NAV2: variants seen among roughly 807,000 people sequenced by gnomAD.
NAV2 encodes helicase, APC down-regulated 1.
A neutral mutation model predicts 223.2 loss-of-function variants in NAV2; 54 were observed. The observed-to-expected ratio is 0.24, with a 90% CI of 0.19 to 0.30. The LOEUF is 0.30. NAV2 is among the 10% of genes least tolerant of loss of function. The pLI is 1.00. For synonymous variants in NAV2, 1,279 were observed against 1,239.3 expected (o/e 1.03, Z -0.67); for missense variants, 2,806 against 3,147.5 (o/e 0.89, Z 2.60).
chr11:19,413,636 G>A (rs189461164), intron 1 of NAV2, among the ~76,000 whole-genome samples: 1 of 152,190 alleles, frequency 6.6e-6, no homozygotes, highest in African/African-American at 2.4e-5. Context: ...AATCCACTAA[G>A]GTTGAAATGA....
chr11:19,816,909 T>C (rs868026330), intron 1 of NAV2, among the ~76,000 whole-genome samples: 3 of 152,092 alleles, frequency 2.0e-5, no homozygotes, highest in East Asian at 1.9e-4. Context: ...CCTTTTTTTT[T>C]CCCCTCTGTG....
At chr11:19,365,325 C>A (rs1451322888) in intron 1 of NAV2, among the ~76,000 whole-genome samples, 1 of 152,212 alleles carries the variant, frequency 6.6e-6, no homozygotes, top group Non-Finnish European at 1.5e-5. Context: ...TCACTCCTTT[C>A]AGCTCTCTCC....
intron 10 of NAV2, among the ~76,000 whole-genome samples, chr11:19,955,824 T>C (rs1027051838): frequency 6.6e-6 from 1 of 152,196 alleles, no homozygotes; most frequent in Non-Finnish European, 1.5e-5. Flanking sequence ...TGATAGGCTG[T>C]TGTTTCTGGC....
intron 1 of NAV2, among the ~76,000 whole-genome samples, chr11:19,532,320 G>T (rs923812741): frequency 2.0e-5 from 3 of 152,142 alleles, no homozygotes; most frequent in Non-Finnish European, 4.4e-5. Flanking sequence ...TTTTCAGCTC[G>T]CCTGGTTCAC....
chr11:20,072,204 C>G (rs1383224002), intron 22 of NAV2, among the ~76,000 whole-genome samples: 1 of 151,990 alleles, frequency 6.6e-6, no homozygotes, highest in Non-Finnish European at 1.5e-5. Context: ...AATCCTTTCC[C>G]CATTGCTTGT....
intron 1 of NAV2, among the ~76,000 whole-genome samples, chr11:19,746,740 T>G (rs2053387454): frequency 6.6e-6 from 1 of 152,044 alleles, no homozygotes. Context: ...TATTGCCCCA[T>G]CCACAGTGTT....
At chr11:19,683,335 G>A (rs988574132) in intron 1 of NAV2, among the ~76,000 whole-genome samples, 2 of 152,240 alleles carry the variant, frequency 1.3e-5, no homozygotes, top group Non-Finnish European at 2.9e-5. Context: ...CAGCAGCTTA[G>A]GAAGGCGGGG....
intron 1 of NAV2, among the ~76,000 whole-genome samples, chr11:19,747,688 C>CG (rs965627176): frequency 6.6e-6 from 1 of 152,196 alleles, no homozygotes; most frequent in African/African-American, 2.4e-5. Context: ...CTCTGCTCCC[C>CG]CTGACTATCT....
intron 6 of NAV2, among the ~76,000 whole-genome samples, 189 bp downstream of exon 6, chr11:19,892,783 T>A (rs1217950192): frequency 6.6e-6 from 1 of 152,206 alleles, no homozygotes; most frequent in East Asian, 1.9e-4. Context: ...AAAATATTGT[T>A]ATAGTCACTA....
chr11:19,897,922 G>A lies in NAV2; in HGVS notation c.931+5328G>A, dbSNP rs374274335. ...TATATATATGTGAGCAGATTTGCCC[G>A]CAGGAAGACTACTCACTTCTGTTGA... On this transcript the variant is annotated intron_variant, in intron 6 of 37. Coordinates refer to ENST00000349880, the MANE Select transcript of NAV2 (RefSeq NM_145117.5). Among the ~76,000 whole-genome samples, 41 of 122,340 alleles carry A rather than the reference G, an allele frequency of 3.4e-4. 1 individual carries two copies. The highest frequency in any genetic ancestry group is 1.1e-3 in the African/African-American group (33 of 30,488). 80.3% of individuals were successfully genotyped at this position (122,340 alleles called of 152,430 possible). A position where few individuals can be genotyped will look rare whatever the true frequency, so the allele number is the denominator to read the frequency against.
intron 1 of NAV2, among the ~76,000 whole-genome samples, chr11:19,609,799 C>A (rs2046585548): frequency 6.6e-6 from 1 of 152,200 alleles, no homozygotes; most frequent in African/African-American, 2.4e-5. Context: ...ACACTCAAAG[C>A]TTGAGAGGAA....
chr11:19,374,309 G>GTTTTTTTTTTT (rs10533713), intron 1 of NAV2, among the ~76,000 whole-genome samples: 1 of 124,594 alleles, frequency 8.0e-6, no homozygotes, highest in African/African-American at 3.2e-5. Context: ...TTCCGAAAAG[G>GTTTTTTTTTTT]TTTTTTTTTT....
chr11:19,396,950 C>G (rs773466231), intron 1 of NAV2, among the ~76,000 whole-genome samples: 4 of 152,144 alleles, frequency 2.6e-5, no homozygotes, highest in African/African-American at 7.2e-5. Flanking sequence ...TCACCGGAAG[C>G]CTCTTCCTCT....
intron 1 of NAV2, among the ~76,000 whole-genome samples, chr11:19,495,710 A>G (rs1378957631): frequency 6.6e-6 from 1 of 152,156 alleles, no homozygotes; most frequent in East Asian, 1.9e-4. Flanking sequence ...AAAAAATTAC[A>G]TATATCTAAC....
At chr11:19,633,771 C>T (rs185788180) in intron 1 of NAV2, among the ~76,000 whole-genome samples, 7 of 152,308 alleles carry the variant, frequency 4.6e-5, no homozygotes, top group African/African-American at 9.6e-5. Flanking sequence ...TGTCTGGCTT[C>T]GGCCTTTGCT....
At chr11:19,439,691 G>A (rs1040016045) in intron 1 of NAV2, among the ~76,000 whole-genome samples, 3 of 152,230 alleles carry the variant, frequency 2.0e-5, no homozygotes, top group African/African-American at 7.2e-5. Context: ...TACATGACAT[G>A]ATCAAGAAAT....
At chr11:19,415,420 A>G (rs1033252566) in intron 1 of NAV2, among the ~76,000 whole-genome samples, 1 of 152,230 alleles carries the variant, frequency 6.6e-6, no homozygotes, top group African/African-American at 2.4e-5. Context: ...TGAATAGATC[A>G]ATAACAAGTT....
intron 22 of NAV2, among the ~76,000 whole-genome samples, chr11:20,069,295 T>C (rs11824188): frequency 0.45 from 68,372 of 151,630 alleles, 15,857 homozygotes; most frequent in East Asian, 0.65. Context: ...GTGTAATTAG[T>C]GTCTATGGCT....
At chr11:19,835,896 T>C (rs2060200912) in intron 2 of NAV2, among the ~76,000 whole-genome samples, 1 of 152,126 alleles carries the variant, frequency 6.6e-6, no homozygotes, top group African/African-American at 2.4e-5. Flanking sequence ...TCCTACTTAT[T>C]CTTGAAAAGT....
Sources: allele counts gnomAD v4.1 joint callset (sites outside exome capture counted in the v4.1 genomes callset), GRCh38; gene constraint gnomAD v4.1.1; transcripts MANE v1.5; gene names NCBI Gene and HGNC (gene_info 2026-07-23, HGNC 2026-07-21).